The following LRRN1 variants were observed in gnomAD, a reference collection of about 807,000 sequenced individuals.
LRRN1 encodes the protein leucine-rich repeat neuronal protein 1.
LRRN1 carries 14 observed loss-of-function variants against 45.8 expected under a neutral mutation model. The ratio of observed to expected loss-of-function variants is 0.31; its 90% CI spans 0.20 to 0.48. The LOEUF is 0.48. LRRN1 is among the 20% of genes least tolerant of loss of function. LRRN1 has a pLI of 0.99. For missense variants in LRRN1, 789 were observed against 874.2 expected, an observed-to-expected ratio of 0.90 and a Z score of 1.23; for synonymous variants, 359 against 330.1, an observed-to-expected ratio of 1.09 and a Z score of -0.95.
intron 1 of LRRN1, among the ~76,000 whole-genome samples, chr3:3,833,222 C>T (rs2106464926): frequency 6.6e-6 from 1 of 152,338 alleles, no homozygotes; most frequent in Non-Finnish European, 1.5e-5. Context: ...GACTAATCCA[C>T]TCCACCATCT....
At chr3:3,835,687 T>C (rs1013300676) in intron 1 of LRRN1, among the ~76,000 whole-genome samples, 3 of 151,502 alleles carry the variant, frequency 2.0e-5, no homozygotes, top group African/African-American at 7.3e-5. Context: ...TTAATGCATA[T>C]AAATCATAGA....
chr3:3,835,912 C>A (rs777058844), intron 1 of LRRN1, among the ~76,000 whole-genome samples: 12 of 151,596 alleles, frequency 7.9e-5, no homozygotes, highest in Admixed American at 4.6e-4. Context: ...GTTTGTGGGA[C>A]TCTTGAAATG....
intron 1 of LRRN1, among the ~76,000 whole-genome samples, chr3:3,841,443 T>C (rs972569999): frequency 1.3e-5 from 2 of 152,120 alleles, no homozygotes; most frequent in Admixed American, 6.6e-5. Flanking sequence ...TGTTTCAAGA[T>C]TACTCTAAAC....
chr3:3,824,526 G>A (rs905669811), intron 1 of LRRN1, among the ~76,000 whole-genome samples: 7 of 106,130 alleles, frequency 6.6e-5, no homozygotes, highest in East Asian at 2.0e-4. Context: ...AACATTGTTC[G>A]GCTGACCTGA....
intron 1 of LRRN1, among the ~76,000 whole-genome samples, chr3:3,811,327 GT>G (rs1451907664): frequency 6.6e-6 from 1 of 152,144 alleles, no homozygotes; most frequent in Non-Finnish European, 1.5e-5. Context: ...AGTCTAGCAT[GT>G]GTTATCTTTA....
intron 1 of LRRN1, among the ~76,000 whole-genome samples, chr3:3,802,295 G>A (rs1178951240): frequency 1.3e-5 from 2 of 152,234 alleles, no homozygotes; most frequent in Admixed American, 6.5e-5. Context: ...TGGGCCGCAC[G>A]TGAGGCAGGC....
chr3:3,805,156 A>C (rs1475110801), intron 1 of LRRN1, among the ~76,000 whole-genome samples: 6 of 152,234 alleles, frequency 3.9e-5, no homozygotes, highest in Non-Finnish European at 5.9e-5. Context: ...ATTAGCACCT[A>C]TCTCAGTAAG....
chr3:3,846,995 G>A lies in LRRN1; in HGVS notation c.*203G>A. The A allele has an allele frequency of 2.2e-6, 1 of 454,116 alleles. No individual in the cohort carries two copies. The highest frequency in any genetic ancestry group is 3.5e-5 in the East Asian group (1 of 28,898). The allele number at this position is 454,116 out of a possible 1,614,324, so 28.1% of individuals were successfully genotyped here. ...GGCTGCCAGCGACTCTAGGCTTCCA[G>A]TCTGTGTTTGGTTTTTATTCTTATC... is the stretch of plus-strand genomic sequence containing the variant. On this transcript the variant is annotated 3_prime_UTR_variant, in exon 2 of 2. Coordinates refer to ENST00000319331, the MANE Select transcript of LRRN1 (RefSeq NM_020873.7). This position sits in a 1 kb window ranked among gnomAD's most constrained non-coding sequence, Gnocchi z 5.7.
In LRRN1 at chr3:3,816,574, C is replaced by A. The variant is rs903144049; in HGVS notation, c.-279+16655C>A. Among the ~76,000 whole-genome samples the A allele has an allele frequency of 6.6e-6, 1 of 152,098 alleles. No homozygotes were observed. Among genetic ancestry groups the A allele is most frequent in the African/African-American group, 2.4e-5 (1 of 41,486 alleles). ...TTCCAATATGAGTTCATTATTAGGG[C>A]CTTGAAGAAAACTATGTCTTAGTAA... is the stretch of plus-strand genomic sequence containing the variant. On this transcript the variant is annotated intron_variant, in intron 1 of 1. Transcript: ENST00000319331. The surrounding 1 kb of genome is among the most constrained non-coding windows in gnomAD (Gnocchi z 4.0).
chr3:3,836,286 A>G (rs577517559), intron 1 of LRRN1, among the ~76,000 whole-genome samples: 1 of 152,202 alleles, frequency 6.6e-6, no homozygotes, highest in African/African-American at 2.4e-5. Flanking sequence ...ATTATTGTGT[A>G]ACAGATCTCT....
intron 1 of LRRN1, chr3:3,827,376 G>A (rs1175028802): frequency 2.2e-6 from 1 of 454,222 alleles, no homozygotes; most frequent in Non-Finnish European, 4.4e-6. Context: ...GCCTGTAGCT[G>A]AAGGCAGAGT....
chr3:3,824,271 T>C (rs897300829), intron 1 of LRRN1, among the ~76,000 whole-genome samples: 7 of 152,224 alleles, frequency 4.6e-5, no homozygotes, highest in Non-Finnish European at 1.0e-4. Flanking sequence ...GTTACATTCA[T>C]ATTATTCATG....
At position 3,847,210 on chromosome 3, in the gene LRRN1, C is replaced by T. The variant is rs1872418; in HGVS notation, c.*418C>T. 0.054 allele frequency: 9,028 copies of T among 168,656 alleles called. 487 individuals are homozygous for T. Among genetic ancestry groups the T allele is most frequent in the East Asian group, 0.19 (1,005 of 5,206 alleles). 10.4% of individuals were successfully genotyped at this position (168,656 alleles called of 1,614,324 possible). ...CTTTGTCCTCCAAAAAGCTAACATA[C>T]GGTTTTGAAGCAGCATTGAAACTTT... On this transcript the variant is annotated 3_prime_UTR_variant, in exon 2 of 2. Coordinates refer to ENST00000319331, the MANE Select transcript of LRRN1 (RefSeq NM_020873.7).
intron 1 of LRRN1, among the ~76,000 whole-genome samples, chr3:3,843,930 T>C (rs1693699085): frequency 6.6e-6 from 1 of 152,246 alleles, no homozygotes; most frequent in Admixed American, 6.5e-5. Flanking sequence ...AATGAACTTT[T>C]AATTTTTTGG....
At chr3:3,808,294 C>T (rs1435961438) in intron 1 of LRRN1, among the ~76,000 whole-genome samples, 1 of 152,174 alleles carries the variant, frequency 6.6e-6, no homozygotes, top group African/African-American at 2.4e-5. Flanking sequence ...TGTGTTGGGA[C>T]CCATCACCAA....
Position 3,846,955 on chromosome 3 carries a change from G to C in LRRN1, c.*163G>C, listed in dbSNP as rs567527975. 1 of 575,370 alleles carries C rather than the reference G, an allele frequency of 1.7e-6. No homozygotes were observed. The highest frequency in any genetic ancestry group is 1.9e-5 in the African/African-American group (1 of 52,926). The allele number at this position is 575,370 out of a possible 1,614,324, so 35.6% of individuals were successfully genotyped here. ...TCAAATTTTTTTAGTATAGCGTATC[G>C]CAAGGGTTTGACACGGCTGCCAGCG... On this transcript the variant is annotated 3_prime_UTR_variant, in exon 2 of 2. Transcript: ENST00000319331. The surrounding 1 kb of genome is among the most constrained non-coding windows in gnomAD (Gnocchi z 5.7).
rs944762298 is a variant in LRRN1, at chr3:3,799,833, C to G, written c.-365C>G. Reference sequence around the variant, plus strand: ...AGTCCTCCTCCTCCTCCTCGTCTTTCTCCTCCTCCTGCTGCTGCTGCCGCC... The same window carrying G: ...AGTCCTCCTCCTCCTCCTCGTCTTTGTCCTCCTCCTGCTGCTGCTGCCGCC... On this transcript the variant is annotated 5_prime_UTR_variant, in exon 1 of 2. Transcript: ENST00000319331. 6 of 164,736 alleles carry G rather than the reference C, an allele frequency of 3.6e-5. No individual in the cohort carries two copies. The highest frequency in any genetic ancestry group is 1.4e-4 in the South Asian group (1 of 7,080). 10.2% of individuals were successfully genotyped at this position (164,736 alleles called of 1,614,324 possible).
intron 1 of LRRN1, among the ~76,000 whole-genome samples, chr3:3,805,208 G>C (rs1054011061): frequency 1.1e-4 from 17 of 152,174 alleles, no homozygotes; most frequent in Non-Finnish European, 2.5e-4. Context: ...TAAGCAGTGA[G>C]CCACAGAAAG....
intron 1 of LRRN1, among the ~76,000 whole-genome samples, chr3:3,840,883 G>A (rs1693638500): frequency 6.6e-6 from 1 of 152,184 alleles, no homozygotes; most frequent in Admixed American, 6.5e-5. Flanking sequence ...CTATAATAAT[G>A]TTGAACCTAT....
Sources: gnomAD v4.1 joint callset for allele counts (sites outside exome capture counted in the v4.1 genomes callset) on GRCh38, gnomAD v4.1.1 for gene constraint, Gnocchi (gnomAD v3.1) non-coding constraint, MANE v1.5 for transcripts, NCBI Gene and HGNC (gene_info 2026-07-23, HGNC 2026-07-21) for gene names.